Variants in ZFYVE9 observed in about 807,000 individuals in gnomAD.
The protein encoded by ZFYVE9 is zinc finger FYVE domain-containing protein 9.
ZFYVE9 carries 43 observed loss-of-function variants against 126.7 expected under a neutral mutation model. The observed-to-expected ratio is 0.34, with a 90% confidence interval of 0.27 to 0.44. The LOEUF is 0.44. Among genes scored for constraint, ZFYVE9 ranks in the 20% least tolerant of loss-of-function variants. ZFYVE9 has a pLI of 1.00. For missense variants in ZFYVE9, 1,476 were observed against 1,697.0 expected (o/e 0.87, Z 2.29); for synonymous variants, 521 against 597.4 (o/e 0.87, Z 1.87).
intron 2 of ZFYVE9, among the ~76,000 whole-genome samples, chr1:52,228,225 T>C (rs139274944): frequency 7.2e-5 from 11 of 152,298 alleles, no homozygotes; most frequent in African/African-American, 2.2e-4. Flanking sequence ...ATTACAGGCA[T>C]GTGTCACCAC....
intron 2 of ZFYVE9, among the ~76,000 whole-genome samples, chr1:52,220,047 A>G (rs1392169829): frequency 6.6e-6 from 1 of 151,946 alleles, no homozygotes; most frequent in Non-Finnish European, 1.5e-5. Context: ...AAGTGCTGGG[A>G]TTACAGGTGT....
At chr1:52,290,660 T>C (rs1645910040) in intron 10 of ZFYVE9, among the ~76,000 whole-genome samples, 1 of 152,150 alleles carries the variant, frequency 6.6e-6, no homozygotes, top group Non-Finnish European at 1.5e-5. Context: ...CTCCCTAAAG[T>C]TCCTGACACT....
intron 10 of ZFYVE9, among the ~76,000 whole-genome samples, chr1:52,291,878 T>C (rs1187971818): frequency 1.6e-5 from 2 of 123,768 alleles, no homozygotes; most frequent in Non-Finnish European, 3.2e-5. Flanking sequence ...AGAGCGAGAC[T>C]CTGTCTCAAA....
intron 12 of ZFYVE9, among the ~76,000 whole-genome samples, chr1:52,296,285 G>A (rs560740577): frequency 6.6e-6 from 1 of 151,904 alleles, no homozygotes; most frequent in Non-Finnish European, 1.5e-5. Flanking sequence ...CAGAATTATT[G>A]TGAGGACTAG....
chr1:52,186,504 T>A (rs1233647716), intron 1 of ZFYVE9, among the ~76,000 whole-genome samples: 1 of 152,096 alleles, frequency 6.6e-6, no homozygotes, highest in Non-Finnish European at 1.5e-5. Flanking sequence ...GGCATCCAGA[T>A]AGGAAGAAAA....
intron 13 of ZFYVE9, among the ~76,000 whole-genome samples, chr1:52,304,792 GA>G (rs1414406779): frequency 3.3e-4 from 50 of 151,100 alleles, no homozygotes; most frequent in African/African-American, 1.1e-3. Flanking sequence ...CTTTCCACGT[GA>G]TTTTTTTTTT....
At chr1:52,343,563 C>A (rs1569794769) in intron 17 of ZFYVE9, among the ~76,000 whole-genome samples, 1 of 151,770 alleles carries the variant, frequency 6.6e-6, no homozygotes, top group Non-Finnish European at 1.5e-5. Flanking sequence ...CAAGGCCAAC[C>A]TGGCCAACAT....
chr1:52,262,936 C>T lies in ZFYVE9; in HGVS notation c.2179-837C>T, dbSNP rs549563614. On this transcript the variant is annotated intron_variant, in intron 4 of 18. Transcript: ENST00000287727. ...ATAATACAAAAAAAAATTAGCCAGG[C>T]GTGGTGGCTTACACCTGAAGTCCCA... Among the ~76,000 whole-genome samples, 53 of 151,832 alleles carry T rather than the reference C, an allele frequency of 3.5e-4. 1 individual carries two copies. The South Asian group carries it at 0.011, about 30-fold the overall frequency.
intron 12 of ZFYVE9, among the ~76,000 whole-genome samples, chr1:52,297,307 A>G (rs1344038479): frequency 1.3e-5 from 2 of 151,506 alleles, no homozygotes; most frequent in Non-Finnish European, 2.9e-5. Context: ...CAGTGGCACA[A>G]TCTTACTGCA....
intron 1 of ZFYVE9, among the ~76,000 whole-genome samples, chr1:52,148,273 G>A (rs55977954): frequency 1.3e-5 from 2 of 151,918 alleles, no homozygotes; most frequent in Admixed American, 6.6e-5. Context: ...TCAGGAGTTC[G>A]AGACCAGCCT....
chr1:52,293,870 A>AT (rs572781496), intron 11 of ZFYVE9, among the ~76,000 whole-genome samples, 193 bp downstream of exon 11: 67 of 152,348 alleles, frequency 4.4e-4, no homozygotes, highest in African/African-American at 1.6e-3. Flanking sequence ...TTGATTATGT[A>AT]TTACCTTGTA....
chr1:52,200,866 A>G (rs1004937311), intron 1 of ZFYVE9, among the ~76,000 whole-genome samples: 4 of 152,240 alleles, frequency 2.6e-5, no homozygotes, highest in South Asian at 2.1e-4. Context: ...TTATTTGTCT[A>G]TCACCAATTT....
chr1:52,202,898 T>C (rs913164505), intron 1 of ZFYVE9, among the ~76,000 whole-genome samples: 1 of 151,042 alleles, frequency 6.6e-6, no homozygotes, highest in African/African-American at 2.4e-5. Flanking sequence ...ATGGGCCAGG[T>C]TGGTCTCGAA....
intron 1 of ZFYVE9, among the ~76,000 whole-genome samples, chr1:52,164,099 G>C (rs1644488286): frequency 6.7e-6 from 1 of 150,074 alleles, no homozygotes; most frequent in African/African-American, 2.4e-5. Flanking sequence ...CTATAGATGC[G>C]CACCACCACA....
At chr1:52,302,976 G>C (rs1412418208) in intron 12 of ZFYVE9, among the ~76,000 whole-genome samples, 1 of 152,036 alleles carries the variant, frequency 6.6e-6, no homozygotes, top group African/African-American at 2.4e-5. Flanking sequence ...CGAGCATGGT[G>C]ACGCACATAT....
chr1:52,283,587 AG>A (rs1645825540), intron 10 of ZFYVE9, among the ~76,000 whole-genome samples: 1 of 152,220 alleles, frequency 6.6e-6, no homozygotes, highest in Non-Finnish European at 1.5e-5. Context: ...CATTATGCTG[AG>A]CAAAAGCCAG....
intron 13 of ZFYVE9, among the ~76,000 whole-genome samples, chr1:52,322,498 C>T (rs536994317): frequency 1.3e-5 from 2 of 151,596 alleles, no homozygotes; most frequent in South Asian, 2.1e-4. Flanking sequence ...CTTCCTCAGC[C>T]TCCCGAGTAG....
At chr1:52,183,888 T>C (rs2124545412) in intron 1 of ZFYVE9, among the ~76,000 whole-genome samples, 1 of 148,092 alleles carries the variant, frequency 6.8e-6, no homozygotes, top group East Asian at 2.0e-4. Flanking sequence ...GGAGTCTCAC[T>C]CTGTCACCCA....
intron 1 of ZFYVE9, among the ~76,000 whole-genome samples, chr1:52,155,617 T>C (rs1290029577): frequency 6.6e-6 from 1 of 152,168 alleles, no homozygotes; most frequent in Non-Finnish European, 1.5e-5. Flanking sequence ...CTATAAACTC[T>C]ACACTGCATC....
Sources: allele counts gnomAD v4.1 joint callset (sites outside exome capture counted in the v4.1 genomes callset), GRCh38; gene constraint gnomAD v4.1.1; transcripts MANE v1.5; gene names NCBI Gene and HGNC (gene_info 2026-07-23, HGNC 2026-07-21).